The following ELMO1 variants were observed in gnomAD, a reference collection of about 807,000 sequenced individuals.
ELMO1 encodes engulfment and cell motility protein 1.
A neutral mutation model predicts 98.9 loss-of-function variants in ELMO1; 26 were observed. That is an observed-to-expected ratio of 0.26 (90% CI 0.19 to 0.36). The LOEUF is 0.36. Among genes scored for constraint, ELMO1 ranks in the 10% least tolerant of loss-of-function variants. The pLI, the probability that ELMO1 is intolerant of heterozygous loss-of-function variation, is 1.00. For synonymous variants in ELMO1, 346 were observed against 346.0 expected (o/e 1.00, Z 0.00); for missense variants, 627 against 935.2 (o/e 0.67, Z 4.30).
At chr7:37,292,797 T>C (rs1419963001) in intron 4 of ELMO1, among the ~76,000 whole-genome samples, 53 of 77,862 alleles carry the variant, frequency 6.8e-4, no homozygotes, top group African/African-American at 1.9e-3. Flanking sequence ...GGTGGGGGGG[T>C]CAGCCCCCCG....
Position 36,870,424 on chromosome 7 carries a change from A to T in ELMO1, c.1874T>A (p.Met625Lys), listed in dbSNP as rs1475919781. Residue 625 changes from methionine (M) to lysine (K), a missense_variant, in exon 20 of 22, where the codon ATG (methionine) becomes AAG (lysine). By Grantham distance (95) the Met-to-Lys change is moderately conservative (BLOSUM62 -1). Transcript: ENST00000310758. The surrounding 1 kb of genome is among the most constrained non-coding windows in gnomAD (Gnocchi z 4.4). ...TTGTTTAAGGGCACCTTTCTCTTTCATATGAGGGCAGTCCTTTCCCGTCAC... is the reference window on the plus strand; with the variant it reads ...TTGTTTAAGGGCACCTTTCTCTTTCTTATGAGGGCAGTCCTTTCCCGTCAC... Reference protein sequence around the residue: ...AVVTGKDCPHMKEKGALKQNK... With the variant: ...AVVTGKDCPHKKEKGALKQNK... 1.2e-6 allele frequency: 2 copies of T among 1,614,014 alleles called. No homozygotes were observed. The highest frequency in any genetic ancestry group is 3.3e-5 in the Admixed American group (2 of 59,996).
At chr7:37,334,339 G>A (rs559641301) in intron 2 of ELMO1, among the ~76,000 whole-genome samples, 23 of 152,200 alleles carry the variant, frequency 1.5e-4, no homozygotes, top group African/African-American at 5.1e-4. Flanking sequence ...CCAGCTACTC[G>A]GGAAGCTGAG....
chr7:37,047,960 A>G (rs771273926), intron 15 of ELMO1, among the ~76,000 whole-genome samples: 50 of 152,216 alleles, frequency 3.3e-4, no homozygotes, highest in Non-Finnish European at 1.6e-4. Flanking sequence ...AGTACCTTAA[A>G]TATTTACAAT....
intron 2 of ELMO1, among the ~76,000 whole-genome samples, chr7:37,317,646 GA>G (rs1799259547): frequency 6.6e-6 from 1 of 152,158 alleles, no homozygotes. Flanking sequence ...TGGAGATAGA[GA>G]GTAGAAGAAT....
intron 18 of ELMO1, among the ~76,000 whole-genome samples, chr7:36,882,206 G>A (rs1009669664): frequency 2.0e-5 from 3 of 152,224 alleles, no homozygotes; most frequent in Admixed American, 1.3e-4. Flanking sequence ...AGGAGAACAG[G>A]TTTTTCTAAA....
intron 5 of ELMO1, among the ~76,000 whole-genome samples, chr7:37,262,786 A>G (rs1294556883): frequency 6.6e-6 from 1 of 152,202 alleles, no homozygotes. Context: ...AGGCAGGGCT[A>G]CTTACATCTC....
intron 16 of ELMO1, among the ~76,000 whole-genome samples, chr7:36,996,678 GA>G (rs1792238311): frequency 6.6e-6 from 1 of 152,196 alleles, no homozygotes; most frequent in South Asian, 2.1e-4. Flanking sequence ...GAGAGGGGAA[GA>G]AAAGTGAACA....
At chr7:37,085,445 T>C (rs995843428) in intron 15 of ELMO1, among the ~76,000 whole-genome samples, 6 of 152,250 alleles carry the variant, frequency 3.9e-5, no homozygotes, top group African/African-American at 1.4e-4. Context: ...CTGATTTCTG[T>C]TGTTTTACTT....
chr7:37,165,977 T>C (rs1789652221), intron 13 of ELMO1, among the ~76,000 whole-genome samples: 1 of 152,198 alleles, frequency 6.6e-6, no homozygotes, highest in East Asian at 1.9e-4. Flanking sequence ...TGGACTCTTT[T>C]TGGTTGGCCA....
chr7:36,895,212 C>G (rs1001320592), intron 16 of ELMO1, among the ~76,000 whole-genome samples, 195 bp from the exon 17 acceptor site: 1 of 152,100 alleles, frequency 6.6e-6, no homozygotes, highest in Non-Finnish European at 1.5e-5. Context: ...TGCTGGAACA[C>G]AAGGAAGGAA....
chr7:37,399,891 C>T (rs772689309), intron 1 of ELMO1, among the ~76,000 whole-genome samples: 4 of 152,198 alleles, frequency 2.6e-5, no homozygotes, highest in Non-Finnish European at 4.4e-5. Flanking sequence ...GATTAAACAA[C>T]TTGAAATGTG....
intron 13 of ELMO1, among the ~76,000 whole-genome samples, chr7:37,179,135 A>G (rs1480516904): frequency 6.6e-6 from 1 of 152,226 alleles, no homozygotes; most frequent in African/African-American, 2.4e-5. Flanking sequence ...CAGTTCAGTC[A>G]ACCCCAAATT....
rs537943837 is a variant in ELMO1 at position 37,175,060 on chromosome 7, G to T, written c.1086+36326C>A. On this transcript the variant is annotated intron_variant, in intron 13 of 21. Coordinates refer to ENST00000310758, the MANE Select transcript of ELMO1 (RefSeq NM_014800.11). ...TAAAGTGGAGGGGGCAGAGAGAAAG[G>T]TGATATAGAAAAAAGGAGTGGAAGG... Among the ~76,000 whole-genome samples, 93 of 152,120 alleles carry T rather than the reference G, an allele frequency of 6.1e-4. 1 individual carries two copies. The highest frequency in any genetic ancestry group is 1.2e-3 in the Non-Finnish European group (84 of 68,022).
intron 15 of ELMO1, among the ~76,000 whole-genome samples, chr7:37,085,037 G>T (rs1783687618): frequency 6.6e-6 from 1 of 152,180 alleles, no homozygotes; most frequent in Non-Finnish European, 1.5e-5. Context: ...GATTACAGGT[G>T]TAAGCCATCC....
intron 1 of ELMO1, among the ~76,000 whole-genome samples, chr7:37,392,052 T>C (rs1170397033): frequency 6.6e-6 from 1 of 152,244 alleles, no homozygotes; most frequent in East Asian, 1.9e-4. Context: ...AAATGAGAAA[T>C]ATAGATATTC....
At chr7:37,447,566 G>A (rs1263734632) in intron 1 of ELMO1, among the ~76,000 whole-genome samples, 1 of 151,738 alleles carries the variant, frequency 6.6e-6, no homozygotes, top group Non-Finnish European at 1.5e-5. Flanking sequence ...AGGCGGGAGA[G>A]GGTCACTGGG....
chr7:37,429,786 A>T (rs2131558273), intron 1 of ELMO1: 1 of 152,398 alleles, frequency 6.6e-6, no homozygotes, highest in South Asian at 2.1e-4. Flanking sequence ...TGGCATTAGG[A>T]TGTGAAGGAT....
At chr7:37,331,510 CTAAT>C (rs1312366937) in intron 2 of ELMO1, among the ~76,000 whole-genome samples, 1 of 151,826 alleles carries the variant, frequency 6.6e-6, no homozygotes, top group Non-Finnish European at 1.5e-5. Flanking sequence ...TATAAGATGT[CTAAT>C]TGGCTCTTTC....
chr7:37,290,951 G>T (rs1030360858), intron 4 of ELMO1, among the ~76,000 whole-genome samples: 1 of 152,018 alleles, frequency 6.6e-6, no homozygotes, highest in South Asian at 2.1e-4. Context: ...AGAGAAAGAG[G>T]AAGAAAAAGG....
Sources: allele counts gnomAD v4.1 joint callset (sites outside exome capture counted in the v4.1 genomes callset), GRCh38; gene constraint gnomAD v4.1.1; non-coding constraint Gnocchi (gnomAD v3.1); transcripts MANE v1.5; gene names NCBI Gene and HGNC (gene_info 2026-07-23, HGNC 2026-07-21).